Variants in CNTNAP2 observed in about 807,000 individuals in gnomAD.
CNTNAP2 encodes contactin-associated protein-like 2.
A neutral mutation model predicts 155.2 loss-of-function variants in CNTNAP2; 98 were observed. The ratio of observed to expected loss-of-function variants is 0.63; its 90% CI spans 0.54 to 0.75. CNTNAP2 has a LOEUF of 0.75. Among genes scored for constraint, CNTNAP2 ranks in the 30% least tolerant of loss-of-function variants. The pLI is 0.00. For synonymous variants in CNTNAP2, 651 were observed against 631.2 expected (o/e 1.03, Z -0.47); for missense variants, 1,727 against 1,688.1 (o/e 1.02, Z -0.40).
chr7:147,549,887 G>C (rs3915304), intron 11 of CNTNAP2, among the ~76,000 whole-genome samples: 29,953 of 152,066 alleles, frequency 0.2, 3,163 homozygotes, highest in Admixed American at 0.29. Flanking sequence ...CATTATATTT[G>C]AATTATTTGG....
intron 2 of CNTNAP2, among the ~76,000 whole-genome samples, chr7:146,800,879 G>A (rs1280461733): frequency 6.6e-6 from 1 of 152,054 alleles, no homozygotes; most frequent in East Asian, 1.9e-4. Context: ...GTCAGGAGTA[G>A]AGAATTTTTT....
At chr7:146,212,286 C>G (rs1035038159) in intron 1 of CNTNAP2, among the ~76,000 whole-genome samples, 21 of 152,072 alleles carry the variant, frequency 1.4e-4, no homozygotes, top group Non-Finnish European at 2.6e-4. Context: ...AACTATTTGA[C>G]TTACTAAATA....
At position 147,880,856 on chromosome 7, in the gene CNTNAP2, T is replaced by G. The variant is rs563320560; in HGVS notation, c.2099-22709T>G. Among the ~76,000 whole-genome samples, 133 of 51,744 alleles carry G rather than the reference T, an allele frequency of 2.6e-3. 1 individual carries two copies. Among genetic ancestry groups the G allele is most frequent in the Non-Finnish European group, 4.0e-3 (103 of 26,026 alleles). The allele number at this position is 51,744 out of a possible 152,430, so 33.9% of individuals were successfully genotyped here. On this transcript the variant is annotated intron_variant, in intron 13 of 23. Transcript: ENST00000361727. Reference sequence around the variant, plus strand: ...TTTTCATGTGATGATTGGAGTTGGGTGTGTGTGTGTGTGTGTGTGTGTGTG... The same window carrying G: ...TTTTCATGTGATGATTGGAGTTGGGGGTGTGTGTGTGTGTGTGTGTGTGTG...
In CNTNAP2 at chr7:146,349,524, T is replaced by C. The variant is rs137971871; in HGVS notation, c.97+232551T>C. On this transcript the variant is annotated intron_variant, in intron 1 of 23. Transcript: ENST00000361727. ...GTCCTGTCATTAGGATGTTAGCTGG[T>C]TATTTTGCTCGTTAGTTGACGCAGT... is the stretch of plus-strand genomic sequence containing the variant. 1.5e-3 allele frequency among the ~76,000 whole-genome samples: 231 copies of C among 152,328 alleles called. 1 individual carries two copies. Among genetic ancestry groups the C allele is most frequent in the African/African-American group, 5.1e-3 (213 of 41,582 alleles).
intron 12 of CNTNAP2, among the ~76,000 whole-genome samples, chr7:147,595,592 G>A (rs1352065747): frequency 6.6e-6 from 1 of 152,152 alleles, no homozygotes; most frequent in Non-Finnish European, 1.5e-5. Context: ...ATCTAGTGAA[G>A]AGTATTCTTC....
chr7:147,376,083 C>G (rs559034603), intron 9 of CNTNAP2, among the ~76,000 whole-genome samples: 1 of 151,998 alleles, frequency 6.6e-6, no homozygotes, highest in Admixed American at 6.6e-5. Context: ...TATTTAGGAA[C>G]TTTACTCTTT....
chr7:146,601,511 C>G (rs142762108), intron 1 of CNTNAP2, among the ~76,000 whole-genome samples: 5 of 151,832 alleles, frequency 3.3e-5, no homozygotes, highest in African/African-American at 1.2e-4. Context: ...TAGGAAGACT[C>G]GATACTATAA....
At chr7:146,584,785 T>C (rs1165278765) in intron 1 of CNTNAP2, among the ~76,000 whole-genome samples, 2 of 133,488 alleles carry the variant, frequency 1.5e-5, no homozygotes, top group African/African-American at 6.4e-5. Context: ...TGGCCAATGT[T>C]CTTAAACCAA....
At chr7:148,136,925 AG>A (rs1418471469) in intron 16 of CNTNAP2, among the ~76,000 whole-genome samples, 1 of 152,244 alleles carries the variant, frequency 6.6e-6, no homozygotes, top group Non-Finnish European at 1.5e-5. Flanking sequence ...TTATATTTTC[AG>A]CTGTTATCCA....
chr7:146,756,593 T>C (rs1375426737), intron 1 of CNTNAP2, among the ~76,000 whole-genome samples: 2 of 152,018 alleles, frequency 1.3e-5, no homozygotes, highest in African/African-American at 4.8e-5. Flanking sequence ...GGGCTTCCTA[T>C]TGGTAGTAAG....
intron 9 of CNTNAP2, among the ~76,000 whole-genome samples, chr7:147,387,467 A>C (rs1394229561): frequency 6.6e-6 from 1 of 152,184 alleles, no homozygotes; most frequent in East Asian, 1.9e-4. Flanking sequence ...GTGGCCCCCC[A>C]GTATCAATTG....
chr7:146,726,333 TC>T (rs1190435628), intron 1 of CNTNAP2, among the ~76,000 whole-genome samples: 2 of 152,134 alleles, frequency 1.3e-5, no homozygotes, highest in African/African-American at 4.8e-5. Context: ...AGTCTAGAAT[TC>T]CCAATGCTTT....
intron 1 of CNTNAP2, among the ~76,000 whole-genome samples, chr7:146,520,212 CA>C (rs573391486): frequency 1.3e-5 from 2 of 149,166 alleles, no homozygotes; most frequent in South Asian, 2.1e-4. Context: ...CTTTATTAGG[CA>C]AAAAAATCTA....
chr7:147,651,576 G>A (rs1469706575), intron 13 of CNTNAP2, among the ~76,000 whole-genome samples: 1 of 152,144 alleles, frequency 6.6e-6, no homozygotes, highest in Non-Finnish European at 1.5e-5. Context: ...GCATAGTCAG[G>A]TGAGATCCAC....
At chr7:148,284,530 A>T (rs1797047688) in intron 21 of CNTNAP2, among the ~76,000 whole-genome samples, 1 of 150,642 alleles carries the variant, frequency 6.6e-6, no homozygotes, top group Admixed American at 6.7e-5. Flanking sequence ...ACATGGAGGT[A>T]AGAGGAGAGT....
intron 1 of CNTNAP2, among the ~76,000 whole-genome samples, chr7:146,276,893 T>C (rs975377252): frequency 6.6e-6 from 1 of 152,192 alleles, no homozygotes; most frequent in Non-Finnish European, 1.5e-5. Flanking sequence ...GCAAAGATAC[T>C]GTAGTGGTTT....
intron 1 of CNTNAP2, among the ~76,000 whole-genome samples, chr7:146,709,452 C>G (rs1479283539): frequency 6.6e-6 from 1 of 152,120 alleles, no homozygotes; most frequent in African/African-American, 2.4e-5. Flanking sequence ...TTCAGAAGTA[C>G]AAGCCAGAAG....
At chr7:147,727,369 A>G (rs549116209) in intron 13 of CNTNAP2, among the ~76,000 whole-genome samples, 1 of 152,126 alleles carries the variant, frequency 6.6e-6, no homozygotes, top group Non-Finnish European at 1.5e-5. Flanking sequence ...TGCTTTCTCT[A>G]CGTAAGACTA....
At chr7:148,392,935 TCAC>T in intron 22 of CNTNAP2, among the ~76,000 whole-genome samples, 1 of 152,214 alleles carries the variant, frequency 6.6e-6, no homozygotes, top group Admixed American at 6.5e-5. Flanking sequence ...AGGCTTCCCG[TCAC>T]CACATCGGAC....
Sources: gnomAD v4.1 joint callset for allele counts (sites outside exome capture counted in the v4.1 genomes callset) on GRCh38, gnomAD v4.1.1 for gene constraint, MANE v1.5 for transcripts, NCBI Gene and HGNC (gene_info 2026-07-23, HGNC 2026-07-21) for gene names.